Variants in MTF2 observed in about 807,000 individuals in gnomAD.
MTF2 encodes metal response element binding transcription factor 2, also known as metal-response element-binding transcription factor 2.
A neutral mutation model predicts 79.5 loss-of-function variants in MTF2; 11 were observed. The ratio of observed to expected loss-of-function variants is 0.14; its 90% CI spans 0.09 to 0.23. The LOEUF is 0.23. Ranked by LOEUF, MTF2 falls within the 10% of genes least tolerant of loss-of-function variation. The pLI is 1.00. For missense variants in MTF2, 486 were observed against 711.2 expected (o/e 0.68, Z 3.60); for synonymous variants, 208 against 232.8 (o/e 0.89, Z 0.97).
intron 1 of MTF2, among the ~76,000 whole-genome samples, chr1:93,094,382 C>G (rs370862944): frequency 1.3e-5 from 2 of 152,184 alleles, no homozygotes; most frequent in African/African-American, 4.8e-5. Context: ...AATCTCCATC[C>G]TGACTTCTGT....
rs1275336710 is a variant in MTF2, at chr1:93,136,766, A to T, written c.1521A>T (p.Ala507=). The T allele has an allele frequency of 6.2e-7, 1 of 1,614,168 alleles. No individual in the cohort carries two copies. The highest frequency in any genetic ancestry group is 1.7e-5 in the Admixed American group (1 of 60,016). ...RRRRGRLPRR[A]LQTQNSEIVK... is the part of the protein sequence containing the mutation. ...GAAGAGGTCGTCTTCCAAGAAGAGCACTCCAGACTCAGAACTCAGAAATTG... is the reference window on the plus strand; with the variant it reads ...GAAGAGGTCGTCTTCCAAGAAGAGCTCTCCAGACTCAGAACTCAGAAATTG... The change falls in exon 15 of 15, where the codon GCA becomes GCT. Residue 507 remains alanine (A), a synonymous_variant. Coordinates refer to ENST00000370298, the MANE Select transcript of MTF2 (RefSeq NM_007358.4).
At position 93,101,568 on chromosome 1, in the gene MTF2, G is replaced by GTTT. The variant is rs71586778; in HGVS notation, c.6-8635_6-8633dup. Among the ~76,000 whole-genome samples, 148 of 25,398 alleles carry GTTT rather than the reference G, an allele frequency of 5.8e-3. 36 individuals are homozygous for GTTT. The highest frequency in any genetic ancestry group is 0.02 in the African/African-American group (129 of 6,464). The allele number at this position is 25,398 out of a possible 152,430, so 16.7% of individuals were successfully genotyped here. ...TGGTCTTGCCATGTTGCTCAGGCTGGTTTTTTTTTTTTTTTTTTTTTTTTT... is the reference window on the plus strand; with the variant it reads ...TGGTCTTGCCATGTTGCTCAGGCTGGTTTTTTTTTTTTTTTTTTTTTTTTTTTT... On this transcript the variant is annotated intron_variant, in intron 1 of 14. Coordinates refer to ENST00000370298, the MANE Select transcript of MTF2 (RefSeq NM_007358.4).
chr1:93,118,261 CTTTTT>C (rs34049352), intron 6 of MTF2, 79 bp from the exon 7 acceptor site: 40 of 505,330 alleles, frequency 7.9e-5, no homozygotes, highest in South Asian at 1.8e-4. Context: ...GATTAGGCCA[CTTTTT>C]TTTTTTTTTT....
At chr1:93,125,504 G>C (rs1170024740) in intron 9 of MTF2, among the ~76,000 whole-genome samples, 18 of 151,888 alleles carry the variant, frequency 1.2e-4, no homozygotes, top group Non-Finnish European at 2.9e-5. Flanking sequence ...AGGGCCATAG[G>C]GGTTCTGTCT....
chr1:93,126,906 AAAATT>A (rs1656720762), intron 9 of MTF2, among the ~76,000 whole-genome samples: 1 of 152,154 alleles, frequency 6.6e-6, no homozygotes, highest in South Asian at 2.1e-4. Context: ...GAATTTTTGA[AAAATT>A]TAATAACTAA....
intron 8 of MTF2, 135 bp downstream of exon 8, chr1:93,119,536 C>T (rs1656388892): frequency 1.6e-6 from 1 of 623,536 alleles, no homozygotes; most frequent in Non-Finnish European, 2.7e-6. Flanking sequence ...TTTATTTATC[C>T]TCATGCCTGA....
At chr1:93,135,842 G>A (rs922057668) in intron 14 of MTF2, among the ~76,000 whole-genome samples, 4 of 152,168 alleles carry the variant, frequency 2.6e-5, no homozygotes, top group Non-Finnish European at 5.9e-5. Context: ...TTTTTGAGTT[G>A]TGTAAGTCCT....
At chr1:93,108,338 G>A (rs1000296530) in intron 1 of MTF2, among the ~76,000 whole-genome samples, 9 of 152,022 alleles carry the variant, frequency 5.9e-5, no homozygotes, top group African/African-American at 9.7e-5. Flanking sequence ...ACTTTCAATC[G>A]TAGTAGTATT....
chr1:93,123,761 T>TC (rs34840034), intron 9 of MTF2, among the ~76,000 whole-genome samples: 26,404 of 135,944 alleles, frequency 0.19, 2,792 homozygotes, highest in Non-Finnish European at 0.23. Flanking sequence ...GTGTATTGTG[T>TC]CCCCCCCCCC....
intron 5 of MTF2, 99 bp downstream of exon 5, chr1:93,115,187 G>A: frequency 2.2e-6 from 2 of 904,416 alleles, no homozygotes; most frequent in Non-Finnish European, 3.4e-6. Flanking sequence ...AATGAAATGA[G>A]CAATGAATGC....
At chr1:93,136,215 G>A (rs1647387521) in intron 14 of MTF2, among the ~76,000 whole-genome samples, 2 of 152,146 alleles carry the variant, frequency 1.3e-5, no homozygotes. Context: ...ACTAGGCCTA[G>A]AACTGGTAAT....
chr1:93,102,743 C>T (rs1331135120), intron 1 of MTF2, among the ~76,000 whole-genome samples: 3 of 151,864 alleles, frequency 2.0e-5, no homozygotes, highest in African/African-American at 7.3e-5. Flanking sequence ...GAGTTGGTAC[C>T]TTTTGGGAGA....
chr1:93,136,963 G>A lies in MTF2; in HGVS notation c.1718G>A (p.Arg573His), dbSNP rs777697964. The A allele has an allele frequency of 2.5e-6, 4 of 1,614,056 alleles. No homozygotes were observed. Among genetic ancestry groups the A allele is most frequent in the Admixed American group, 1.7e-5 (1 of 59,996 alleles). ...ACGEKYRVLA[R>H]RVTLDGKVQY... ...GGCGAAAAATACCGAGTTTTGGCAC[G>A]TCGGGTGACACTTGATGGAAAGGTG... is the stretch of plus-strand genomic sequence containing the variant. The change falls in exon 15 of 15, where the codon CGT (arginine) becomes CAT (histidine). Residue 573 changes from arginine (R) to histidine (H), a missense_variant. By Grantham distance (29) the Arg-to-His change is conservative. This residue lies in a region of MTF2 where 25 missense variants were observed against 56.8 expected (regional missense o/e 0.44). Transcript: ENST00000370298.
intron 3 of MTF2, 93 bp downstream of exon 3, chr1:93,110,719 T>A: frequency 9.9e-7 from 1 of 1,014,366 alleles, no homozygotes; most frequent in Non-Finnish European, 1.5e-6. Context: ...GAATACAGTG[T>A]ATTTAGATAA....
At chr1:93,111,997 A>C (rs1656046436) in intron 3 of MTF2, among the ~76,000 whole-genome samples, 1 of 152,010 alleles carries the variant, frequency 6.6e-6, no homozygotes, top group African/African-American at 2.4e-5. Context: ...CCTCCTTTCT[A>C]CTTCTCCTCT....
At chr1:93,118,550 G>C in intron 7 of MTF2, 110 bp downstream of exon 7, 1 of 656,548 alleles carries the variant, frequency 1.5e-6, no homozygotes, top group Admixed American at 3.6e-5. Flanking sequence ...TTTGGAAAGG[G>C]GTTGTCTCAG....
intron 9 of MTF2, among the ~76,000 whole-genome samples, chr1:93,125,773 C>T (rs576710617): frequency 1.3e-5 from 2 of 152,002 alleles, no homozygotes; most frequent in Non-Finnish European, 2.9e-5. Context: ...TGTGATATAG[C>T]TATTAAACAT....
At chr1:93,122,205 A>G (rs1026988461) in intron 9 of MTF2, among the ~76,000 whole-genome samples, 11 of 152,202 alleles carry the variant, frequency 7.2e-5, no homozygotes, top group Non-Finnish European at 2.9e-5. Flanking sequence ...ATTTAATACT[A>G]TAATACATTT....
chr1:93,104,892 C>T (rs1475904263), intron 1 of MTF2, among the ~76,000 whole-genome samples: 2 of 151,844 alleles, frequency 1.3e-5, no homozygotes, highest in African/African-American at 4.8e-5. Context: ...CGCGGTGGCT[C>T]ACGCCTGTAA....
Sources: allele counts gnomAD v4.1 joint callset (sites outside exome capture counted in the v4.1 genomes callset), GRCh38; gene constraint gnomAD v4.1.1; regional missense constraint gnomAD v4.1.1; transcripts MANE v1.5; gene names NCBI Gene and HGNC (gene_info 2026-07-23, HGNC 2026-07-21).